Variants in SUPT6H observed in about 807,000 individuals in gnomAD.
SUPT6H encodes SPT6 homolog, histone chaperone and transcription elongation factor, also known as transcription elongation factor SPT6.
Under a neutral mutation model 222.3 loss-of-function variants are expected in SUPT6H, and 11 were observed. The observed-to-expected ratio is 0.05, with a 90% CI of 0.03 to 0.08. The LOEUF (loss-of-function observed/expected upper bound fraction) is 0.08. Ranked by LOEUF, SUPT6H falls within the 10% of genes least tolerant of loss-of-function variation. The probability of loss-of-function intolerance (pLI) is 1.00; values close to 1 mark genes in which losing one functional copy is unlikely to be tolerated. For missense variants in SUPT6H, 1,422 were observed against 2,216.0 expected (o/e 0.64, Z 7.19); for synonymous variants, 762 against 801.2 (o/e 0.95, Z 0.83).
At position 28,684,670 on chromosome 17, in the gene SUPT6H, G is replaced by A. The variant is rs1267735609; in HGVS notation, c.2314G>A (p.Asp772Asn). 3.1e-6 allele frequency: 5 copies of A among 1,614,042 alleles called. No homozygotes were observed. In the African/African-American group the frequency reaches 6.7e-5, roughly 22 times the overall value. The change falls in exon 18 of 37, where the codon GAC becomes AAC. Residue 772 changes from aspartate (D) to asparagine (N), a missense_variant. Transcript: ENST00000314616. ...QQVEEDDDFMDENQGKGIRVL... is the reference protein window; with the variant it reads ...QQVEEDDDFMNENQGKGIRVL... ...GGTGGAAGAAGATGACGACTTTATGGACGAGAACCAAGGGAAGGGCATTCG... is the reference window on the plus strand; with the variant it reads ...GGTGGAAGAAGATGACGACTTTATGAACGAGAACCAAGGGAAGGGCATTCG...
Position 28,701,744 on chromosome 17 carries a change from T to TTGG in SUPT6H, c.*124_*126dup, listed in dbSNP as rs2151672244. On this transcript the variant is annotated 3_prime_UTR_variant, in exon 37 of 37. Coordinates refer to ENST00000314616, the MANE Select transcript of SUPT6H (RefSeq NM_003170.5). ...AGTGGCGTGAAGTGAGACGTTCTCTTTGGTGGTCAACCCGGATGGGTGACA... is the reference window on the plus strand; with the variant it reads ...AGTGGCGTGAAGTGAGACGTTCTCTTTGGTGGTGGTCAACCCGGATGGGTGACA... The TTGG allele has an allele frequency of 5.3e-6, 6 of 1,134,104 alleles. No homozygotes were observed. The highest frequency in any genetic ancestry group is 7.4e-6 in the Non-Finnish European group (6 of 811,692). 70.3% of individuals were successfully genotyped at this position (1,134,104 alleles called of 1,614,324 possible). A position where few individuals can be genotyped will look rare whatever the true frequency, so the allele number is the denominator to read the frequency against.
chr17:28,666,916 T>A (rs1001197066), intron 1 of SUPT6H, among the ~76,000 whole-genome samples: 1 of 152,198 alleles, frequency 6.6e-6, no homozygotes, highest in Non-Finnish European at 1.5e-5. Flanking sequence ...ACATCTTGAC[T>A]TCATGTAATT....
chr17:28,683,836 ATTTT>A lies in SUPT6H; in HGVS notation c.2229+33_2229+36del, dbSNP rs201577643. 192 of 1,413,690 alleles carry A rather than the reference ATTTT, an allele frequency of 1.4e-4. No individual in the cohort carries two copies. Among genetic ancestry groups the A allele is most frequent in the Middle Eastern group, 4.9e-4 (2 of 4,088 alleles). 87.6% of individuals were successfully genotyped at this position (1,413,690 alleles called of 1,614,324 possible). On this transcript the variant is annotated intron_variant, in intron 17 of 36. Transcript: ENST00000314616. ...ATAAAGGTGAGGACAGAGACTCATG[ATTTT>A]TTTTTTTTTTTTGGTGACAGAGTCT...
intron 11 of SUPT6H, among the ~76,000 whole-genome samples, chr17:28,679,240 GCA>G (rs777756673): frequency 1.3e-5 from 2 of 152,162 alleles, no homozygotes; most frequent in African/African-American, 2.4e-5. Context: ...GGGAGCAGTG[GCA>G]CACGCCTGTA....
In SUPT6H at chr17:28,686,650, C is replaced by A; in HGVS notation, c.2565-4C>A. 1 of 1,588,496 alleles carries A rather than the reference C, an allele frequency of 6.3e-7. No individual in the cohort carries two copies. Among genetic ancestry groups the A allele is most frequent in the Non-Finnish European group, 8.6e-7 (1 of 1,169,186 alleles). On this transcript the variant is annotated splice_polypyrimidine_tract_variant and splice_region_variant and intron_variant, in intron 20 of 36. Transcript: ENST00000314616. ...TATTCATTGACCAACACTCATCCCACCAGGGACGCCCAGATGTTGATTGAA... is the reference window on the plus strand; with the variant it reads ...TATTCATTGACCAACACTCATCCCAACAGGGACGCCCAGATGTTGATTGAA...
intron 32 of SUPT6H, 122 bp from the exon 33 acceptor site, chr17:28,699,659 G>A (rs1293951007): frequency 2.5e-6 from 2 of 812,238 alleles, no homozygotes; most frequent in Non-Finnish European, 4.4e-6. Flanking sequence ...GGGACTGGCT[G>A]TGTCATCTCT....
intron 2 of SUPT6H, chr17:28,673,761 GATA>G (rs2030573425): frequency 4.1e-6 from 2 of 491,858 alleles, no homozygotes; most frequent in East Asian, 7.0e-5. Context: ...GGGGGTGGTT[GATA>G]ATAAATCAGT....
intron 27 of SUPT6H, 99 bp downstream of exon 27, chr17:28,691,162 C>T (rs1597713638): frequency 2.1e-6 from 3 of 1,433,150 alleles, no homozygotes; most frequent in Non-Finnish European, 2.9e-6. Context: ...AGATCATTCT[C>T]TCACCAAACA....
In SUPT6H at chr17:28,688,107, A is replaced by G. The variant is rs1264430138; in HGVS notation, c.3023A>G (p.Asn1008Ser). ...THLLKILKQN[N>S]TRLESRTQLV... ...CTCCCCCAGATCCTGAAGCAGAACA[A>G]CACCCGGCTCGAGAGCCGGACCCAG... Residue 1008 changes from asparagine to serine, a missense_variant, in exon 24 of 37, where the codon AAC (asparagine) becomes AGC (serine). Around this residue, in one of 13 missense-constraint regions of SUPT6H, gnomAD observed 294 missense variants for 382.1 expected, o/e 0.77. Transcript: ENST00000314616. This position sits in a 1 kb window ranked among gnomAD's most constrained non-coding sequence, Gnocchi z 4.3. 1.2e-6 allele frequency: 2 copies of G among 1,612,904 alleles called. No homozygotes were observed. The highest frequency in any genetic ancestry group is 1.7e-6 in the Non-Finnish European group (2 of 1,179,384).
chr17:28,669,926 ACT>A (rs1567684845), intron 1 of SUPT6H: 1 of 152,190 alleles, frequency 6.6e-6, no homozygotes, highest in Non-Finnish European at 1.5e-5. Context: ...AGAGAGTAAG[ACT>A]CTGTCTCAAA....
At chr17:28,697,189 C>A in intron 30 of SUPT6H, 107 bp downstream of exon 30, 1 of 880,912 alleles carries the variant, frequency 1.1e-6, no homozygotes, top group Non-Finnish European at 1.8e-6. Flanking sequence ...GGTATTTTAG[C>A]TGTGCACAGC....
rs2032062937 is a variant in SUPT6H at position 28,699,861 on chromosome 17, G to C, written c.4529G>C (p.Trp1510Ser). 2.5e-6 allele frequency: 4 copies of C among 1,614,206 alleles called. No homozygotes were observed. Among genetic ancestry groups the C allele is most frequent in the Non-Finnish European group, 3.4e-6 (4 of 1,180,040 alleles). ...CCAACCGTGAATGGACTGTTTAGAT[G>C]GTTTAAGGATCACTACCAGGATCCT... The part of the protein sequence containing the change: ...IFPTVNGLFR[W>S]FKDHYQDPVP... Residue 1510 changes from tryptophan to serine, a missense_variant, in exon 33 of 37, where the codon TGG (tryptophan) becomes TCG (serine). Physicochemically the swap from Trp to Ser is radical, Grantham distance 177 (BLOSUM62 -3). Around this residue, in one of 13 missense-constraint regions of SUPT6H, gnomAD observed 395 missense variants for 580.6 expected, o/e 0.68. Coordinates refer to ENST00000314616, the MANE Select transcript of SUPT6H (RefSeq NM_003170.5).
Position 28,700,758 on chromosome 17 carries a change from C to G in SUPT6H, c.4807-183C>G, listed in dbSNP as rs542670016. 5.2e-5 allele frequency: 48 copies of G among 925,554 alleles called. No individual in the cohort carries two copies. In the African/African-American group the frequency reaches 7.4e-4, roughly 14 times the overall value. 57.3% of individuals were successfully genotyped at this position (925,554 alleles called of 1,614,324 possible). On this transcript the variant is annotated intron_variant, in intron 35 of 36. Coordinates refer to ENST00000314616, the MANE Select transcript of SUPT6H (RefSeq NM_003170.5). ...ACCAGAAAGTTGACATGGTCAGGAC[C>G]AGTGGGCACCACTGTGTGCTCGGTG...
chr17:28,697,196 C>T (rs1293028003), intron 30 of SUPT6H, 114 bp downstream of exon 30: 2 of 840,510 alleles, frequency 2.4e-6, no homozygotes. Context: ...TAGCTGTGCA[C>T]AGCAACAAAA....
At chr17:28,684,196 A>C (rs901682794) in intron 17 of SUPT6H, among the ~76,000 whole-genome samples, 7 of 151,832 alleles carry the variant, frequency 4.6e-5, no homozygotes, top group Non-Finnish European at 8.8e-5. Context: ...GATTTCCCCA[A>C]ACTATAGTTG....
At chr17:28,693,039 G>A (rs116842387) in intron 27 of SUPT6H, among the ~76,000 whole-genome samples, 232 of 151,422 alleles carry the variant, frequency 1.5e-3, no homozygotes, top group East Asian at 3.1e-3. Flanking sequence ...ACTTGGGGGC[G>A]TGCGCTTATA....
At chr17:28,672,068 C>G (rs2030448623) in intron 1 of SUPT6H, among the ~76,000 whole-genome samples, 1 of 152,170 alleles carries the variant, frequency 6.6e-6, no homozygotes, top group South Asian at 2.1e-4. Context: ...CCCAAATGCT[C>G]CCAACCAGTA....
At position 28,701,954 on chromosome 17, in the gene SUPT6H, C is replaced by T. The variant is rs2032153169; in HGVS notation, c.*329C>T. ...ACTCCCTACAAGCCATTTTGAACTT[C>T]TGCCCTCACCGGACTCTGGGCTGTG... On this transcript the variant is annotated 3_prime_UTR_variant, in exon 37 of 37. Transcript: ENST00000314616. 3.9e-6 allele frequency: 1 copy of T among 256,412 alleles called. No individual in the cohort carries two copies. Among genetic ancestry groups the T allele is most frequent in the African/African-American group, 2.2e-5 (1 of 45,830 alleles). 15.9% of individuals were successfully genotyped at this position (256,412 alleles called of 1,614,324 possible).
chr17:28,700,335 T>C lies in SUPT6H; in HGVS notation c.4640-11T>C, dbSNP rs201793129. On this transcript the variant is annotated splice_polypyrimidine_tract_variant and intron_variant, in intron 34 of 36. Transcript: ENST00000314616. ...TCTAACATGCCCCTCCCCACCTCTG[T>C]GTGCTTACAGATCTGACACGGGCTG... The C allele has an allele frequency of 1.6e-4, 262 of 1,614,016 alleles. No individual in the cohort carries two copies. The highest frequency in any genetic ancestry group is 2.0e-4 in the Non-Finnish European group (240 of 1,179,982).
Sources: allele counts gnomAD v4.1 joint callset (sites outside exome capture counted in the v4.1 genomes callset), GRCh38; gene constraint gnomAD v4.1.1; regional missense constraint gnomAD v4.1.1; non-coding constraint Gnocchi (gnomAD v3.1); transcripts MANE v1.5; gene names NCBI Gene and HGNC (gene_info 2026-07-23, HGNC 2026-07-21).